EIF4G3: variants seen among roughly 807,000 people sequenced by gnomAD.
EIF4G3 encodes the protein eukaryotic translation initiation factor 4 gamma 3.
Under a neutral mutation model 186.4 loss-of-function variants are expected in EIF4G3, and 34 were observed. The ratio of observed to expected loss-of-function variants is 0.18; its 90% CI spans 0.14 to 0.24. EIF4G3 has a LOEUF of 0.24. Ranked by LOEUF, EIF4G3 falls within the 10% of genes least tolerant of loss-of-function variation. EIF4G3 has a pLI of 1.00. For synonymous variants in EIF4G3, 673 were observed against 679.5 expected, an observed-to-expected ratio of 0.99 and a Z score of 0.15; for missense variants, 1,536 against 1,948.5, an observed-to-expected ratio of 0.79 and a Z score of 3.99.
intron 27 of EIF4G3, among the ~76,000 whole-genome samples, 162 bp downstream of exon 27, chr1:20,853,398 T>C (rs2073953796): frequency 6.6e-6 from 1 of 152,188 alleles, no homozygotes; most frequent in African/African-American, 2.4e-5. Flanking sequence ...CCCAATTATG[T>C]TCCTATCTTA....
chr1:20,948,924 G>C (rs1351024476), intron 13 of EIF4G3, among the ~76,000 whole-genome samples: 2 of 144,672 alleles, frequency 1.4e-5, no homozygotes, highest in Admixed American at 1.4e-4. Context: ...CAGGAGAATA[G>C]CTTGAGCCCA....
chr1:21,099,421 T>C (rs2096465541), intron 2 of EIF4G3, among the ~76,000 whole-genome samples: 1 of 152,200 alleles, frequency 6.6e-6, no homozygotes. Context: ...AATGGAATAC[T>C]AGTAGGCATT....
chr1:21,136,561 C>T (rs1278334130), intron 2 of EIF4G3, among the ~76,000 whole-genome samples: 2 of 151,812 alleles, frequency 1.3e-5, no homozygotes, highest in Non-Finnish European at 1.5e-5. Context: ...TACTCCCTTG[C>T]CTTAACTACA....
chr1:20,959,325 G>A (rs1464746039), intron 12 of EIF4G3, among the ~76,000 whole-genome samples: 1 of 151,982 alleles, frequency 6.6e-6, no homozygotes, highest in African/African-American at 2.4e-5. Context: ...TGGCAAAACT[G>A]GCAAACCTCA....
intron 18 of EIF4G3, among the ~76,000 whole-genome samples, chr1:20,892,002 G>A (rs1418871533): frequency 6.6e-6 from 1 of 152,022 alleles, no homozygotes; most frequent in African/African-American, 2.4e-5. Flanking sequence ...GGTGGTTTTC[G>A]GTAGTTTTAC....
chr1:21,051,836 C>T (rs2094233036), intron 3 of EIF4G3, among the ~76,000 whole-genome samples: 1 of 152,034 alleles, frequency 6.6e-6, no homozygotes, highest in African/African-American at 2.4e-5. Context: ...TGTACTACAA[C>T]CTGAGTGACA....
intron 7 of EIF4G3, among the ~76,000 whole-genome samples, chr1:20,986,994 C>A (rs1402809485): frequency 1.3e-5 from 2 of 152,096 alleles, no homozygotes; most frequent in East Asian, 1.9e-4. Context: ...GCAGATCCAA[C>A]AAGATAGGAT....
intron 4 of EIF4G3, among the ~76,000 whole-genome samples, chr1:21,026,893 C>T (rs2092182728): frequency 6.9e-6 from 1 of 145,602 alleles, no homozygotes; most frequent in Non-Finnish European, 1.5e-5. Flanking sequence ...GCTGAGATCG[C>T]ACCACTGCAC....
At chr1:21,019,300 G>A (rs1475536978) in intron 4 of EIF4G3, among the ~76,000 whole-genome samples, 4 of 152,180 alleles carry the variant, frequency 2.6e-5, no homozygotes, top group Admixed American at 1.3e-4. Context: ...GTTGTCAGAC[G>A]AATACATATT....
chr1:21,024,431 G>A (rs1014553940), intron 4 of EIF4G3, among the ~76,000 whole-genome samples: 1 of 152,178 alleles, frequency 6.6e-6, no homozygotes, highest in Non-Finnish European at 1.5e-5. Flanking sequence ...TGACAATGGC[G>A]GCTTTGTGGA....
rs1464404288 is a variant in EIF4G3, at chr1:21,089,139, GTGCTGTAGAC to G, written c.-207_-198del. ...ATTTGACAACCTTCAGACACTCACC[GTGCTGTAGAC>G]TGCTGAGACAGCGGGAGTGAAGATT... On this transcript the variant is annotated splice_region_variant and 5_prime_UTR_variant, in exon 3 of 37. Coordinates refer to ENST00000602326, the MANE Select transcript of EIF4G3 (RefSeq NM_001391906.1). 2 of 717,124 alleles carry G rather than the reference GTGCTGTAGAC, an allele frequency of 2.8e-6. 1 individual carries two copies. The highest frequency in any genetic ancestry group is 3.0e-5 in the South Asian group (2 of 67,560). 44.4% of individuals were successfully genotyped at this position (717,124 alleles called of 1,614,324 possible).
chr1:21,169,450 C>A (rs937496694), intron 2 of EIF4G3, among the ~76,000 whole-genome samples: 4 of 151,562 alleles, frequency 2.6e-5, no homozygotes, highest in South Asian at 2.1e-4. Context: ...TCTCTCCCCC[C>A]AAAAAAATAA....
intron 12 of EIF4G3, among the ~76,000 whole-genome samples, chr1:20,951,177 CAGTA>C (rs1032814167): frequency 6.6e-6 from 1 of 151,632 alleles, no homozygotes; most frequent in Non-Finnish European, 1.5e-5. Context: ...ATTTTCAAGT[CAGTA>C]AGTGTCACTT....
At chr1:21,160,766 T>C (rs889082558) in intron 2 of EIF4G3, among the ~76,000 whole-genome samples, 8 of 151,940 alleles carry the variant, frequency 5.3e-5, no homozygotes, top group African/African-American at 1.9e-4. Flanking sequence ...CATAAGAGAA[T>C]AAAGAGAAAT....
rs2097333904 is a variant in EIF4G3 at position 21,141,377 on chromosome 1, T to TGTGTGTG, written c.-272+34797_-272+34798insCACACAC. 1.3e-3 allele frequency among the ~76,000 whole-genome samples: 183 copies of TGTGTGTG among 145,230 alleles called. 1 individual carries two copies. The highest frequency in any genetic ancestry group is 4.5e-3 in the African/African-American group (176 of 39,436). On this transcript the variant is annotated intron_variant, in intron 2 of 36. Coordinates refer to ENST00000602326, the MANE Select transcript of EIF4G3 (RefSeq NM_001391906.1). ...TCTATTTGAGAAAAATATTTTTTCTTTGTGTGTGTGTGTGTGTGTGTATGT... is the reference window on the plus strand; with the variant it reads ...TCTATTTGAGAAAAATATTTTTTCTTGTGTGTGTGTGTGTGTGTGTGTGTGTGTATGT...
intron 4 of EIF4G3, among the ~76,000 whole-genome samples, chr1:21,029,446 G>A (rs1375671562): frequency 6.6e-6 from 1 of 151,556 alleles, no homozygotes; most frequent in Non-Finnish European, 1.5e-5. Flanking sequence ...CGAGAACTGG[G>A]AAGAAAGAGA....
chr1:20,871,100 TAACA>T (rs1403593632), intron 20 of EIF4G3, among the ~76,000 whole-genome samples: 1 of 152,032 alleles, frequency 6.6e-6, no homozygotes. Context: ...AAGAAAAAAT[TAACA>T]AACAAAATAA....
chr1:21,048,991 G>A (rs558920261), intron 4 of EIF4G3, among the ~76,000 whole-genome samples: 4 of 152,268 alleles, frequency 2.6e-5, no homozygotes, highest in Middle Eastern at 3.4e-3. Context: ...CACAATATAC[G>A]AAGGTTATAC....
intron 4 of EIF4G3, among the ~76,000 whole-genome samples, chr1:21,010,315 G>C (rs1198226573): frequency 1.3e-5 from 2 of 151,592 alleles, no homozygotes; most frequent in Admixed American, 1.3e-4. Context: ...TGCTACTCGG[G>C]AGGCTGAGGC....
Sources: allele counts gnomAD v4.1 joint callset (sites outside exome capture counted in the v4.1 genomes callset), GRCh38; gene constraint gnomAD v4.1.1; transcripts MANE v1.5; gene names NCBI Gene and HGNC (gene_info 2026-07-23, HGNC 2026-07-21).